Variants in THSD4 observed in about 807,000 individuals in gnomAD.
THSD4 encodes thrombospondin type-1 domain-containing protein 4.
THSD4 carries 69 observed loss-of-function variants against 119.0 expected under a neutral mutation model. That is an observed-to-expected ratio of 0.58 (90% CI 0.48 to 0.71). The LOEUF (loss-of-function observed/expected upper bound fraction) is 0.71. Among genes scored for constraint, THSD4 ranks in the 30% least tolerant of loss-of-function variants. THSD4 has a pLI of 0.00. For missense variants in THSD4, 1,393 were observed against 1,391.1 expected (o/e 1.00, Z -0.02); for synonymous variants, 524 against 540.4 (o/e 0.97, Z 0.42).
intron 3 of THSD4, among the ~76,000 whole-genome samples, chr15:71,181,795 A>C (rs1405894740): frequency 6.6e-6 from 1 of 152,188 alleles, no homozygotes; most frequent in African/African-American, 2.4e-5. Context: ...AAGAAGCCAT[A>C]ATCATTCCTC....
At chr15:71,722,549 C>T (rs2052742222) in intron 8 of THSD4, among the ~76,000 whole-genome samples, 1 of 152,106 alleles carries the variant, frequency 6.6e-6, no homozygotes, top group African/African-American at 2.4e-5. Flanking sequence ...GTGGCCAGAA[C>T]CTACCTCAAT....
chr15:71,716,360 G>A (rs1013866986), intron 8 of THSD4, among the ~76,000 whole-genome samples: 2 of 152,122 alleles, frequency 1.3e-5, no homozygotes, highest in African/African-American at 2.4e-5. Flanking sequence ...AGGTGGATAT[G>A]AATTTTGGGA....
intron 16 of THSD4, among the ~76,000 whole-genome samples, chr15:71,769,917 AAAAAT>A (rs1455325492): frequency 5.9e-5 from 4 of 67,642 alleles, no homozygotes; most frequent in African/African-American, 3.1e-4. Context: ...TATCAATAAA[AAAAAT>A]AAATTTAAAA....
chr15:71,631,824 G>A (rs1292492139), intron 7 of THSD4, among the ~76,000 whole-genome samples: 1 of 152,130 alleles, frequency 6.6e-6, no homozygotes, highest in African/African-American at 2.4e-5. Context: ...AAAACAATGG[G>A]TGCTGTAGTG....
intron 2 of THSD4, 62 bp downstream of exon 2, chr15:71,141,618 C>G (rs540226336): frequency 1.3e-6 from 2 of 1,520,492 alleles, no homozygotes; most frequent in Non-Finnish European, 1.8e-6. Context: ...TTGCATTTTA[C>G]TCTGTCATTT....
chr15:71,258,328 A>G (rs1484310670), intron 6 of THSD4, among the ~76,000 whole-genome samples: 2 of 152,012 alleles, frequency 1.3e-5, no homozygotes, highest in African/African-American at 2.4e-5. Flanking sequence ...ACAGGTGTGC[A>G]ACACTACGCC....
At chr15:71,567,729 G>A (rs904171850) in intron 7 of THSD4, among the ~76,000 whole-genome samples, 1 of 152,080 alleles carries the variant, frequency 6.6e-6, no homozygotes, top group Non-Finnish European at 1.5e-5. Flanking sequence ...GCCATCAGCG[G>A]TCAAAACCAG....
chr15:71,735,451 ACTCT>A (rs751483915), intron 10 of THSD4, among the ~76,000 whole-genome samples: 9 of 118,814 alleles, frequency 7.6e-5, no homozygotes, highest in African/African-American at 2.5e-4. Flanking sequence ...TCTCTTTCTC[ACTCT>A]CTCTCTCTCT....
At chr15:71,245,987 C>T (rs2044196404) in intron 5 of THSD4, among the ~76,000 whole-genome samples, 1 of 152,102 alleles carries the variant, frequency 6.6e-6, no homozygotes, top group Admixed American at 6.5e-5. Flanking sequence ...CTCATGTAGA[C>T]ATTTATCTGT....
chr15:71,735,741 CCTGTCTCTCTTGCTCT>C (rs1429109066), intron 10 of THSD4, among the ~76,000 whole-genome samples: 2 of 115,436 alleles, frequency 1.7e-5, no homozygotes, highest in Admixed American at 8.8e-5. Context: ...TGTCACTGTC[CCTGTCTCTCTTGCTCT>C]CTGTCTGTCT....
At chr15:71,763,731 C>T (rs2053665217) in intron 15 of THSD4, among the ~76,000 whole-genome samples, 1 of 151,716 alleles carries the variant, frequency 6.6e-6, no homozygotes, top group Non-Finnish European at 1.5e-5. Context: ...AGGAGTGAGC[C>T]ACCGCGCCTG....
chr15:71,224,216 G>C (rs532125072), intron 4 of THSD4, among the ~76,000 whole-genome samples: 2 of 152,316 alleles, frequency 1.3e-5, no homozygotes, highest in African/African-American at 4.8e-5. Flanking sequence ...GGTTTGGTGA[G>C]GCTGGAGCAC....
intron 7 of THSD4, among the ~76,000 whole-genome samples, chr15:71,603,854 A>C (rs1397618096): frequency 6.6e-6 from 1 of 152,192 alleles, no homozygotes; most frequent in Non-Finnish European, 1.5e-5. Flanking sequence ...GGCTGAAGAG[A>C]GAGTGGTCAG....
chr15:71,193,772 A>G lies in THSD4; in HGVS notation c.100-21263A>G, dbSNP rs1186776600. ...GCCCAGGCAGGAGTGCAGTGGCGTG[A>G]TCTCGGCTCTCTGCAAGCTCCGCCT... On this transcript the variant is annotated intron_variant, in intron 3 of 17. Coordinates refer to ENST00000261862, the MANE Select transcript of THSD4 (RefSeq NM_024817.3). Among the ~76,000 whole-genome samples, 4 of 151,994 alleles carry G rather than the reference A, an allele frequency of 2.6e-5. No homozygotes were observed. The South Asian group carries it at 6.2e-4, about 24-fold the overall frequency.
intron 13 of THSD4, among the ~76,000 whole-genome samples, chr15:71,747,727 A>G (rs1041010349): frequency 2.6e-5 from 4 of 152,260 alleles, no homozygotes; most frequent in Admixed American, 1.3e-4. Context: ...GCAAAACTTT[A>G]TGACTCAGAA....
At chr15:71,379,447 C>A (rs976530295) in intron 6 of THSD4, among the ~76,000 whole-genome samples, 4 of 112,882 alleles carry the variant, frequency 3.5e-5, no homozygotes, top group African/African-American at 9.5e-5. Context: ...AAGCAAATGG[C>A]TTCTTTTTTT....
chr15:71,618,019 CA>C (rs1242663331), intron 7 of THSD4, among the ~76,000 whole-genome samples: 3 of 152,162 alleles, frequency 2.0e-5, no homozygotes, highest in African/African-American at 7.2e-5. Flanking sequence ...CTCTGAACAA[CA>C]AGGGTCCGTA....
At chr15:71,099,730 C>T (rs1182115771) in intron 1 of THSD4, among the ~76,000 whole-genome samples, 1 of 151,896 alleles carries the variant, frequency 6.6e-6, no homozygotes, top group Non-Finnish European at 1.5e-5. Flanking sequence ...TTTGGGAGGC[C>T]AAGGGGGGCA....
intron 1 of THSD4, among the ~76,000 whole-genome samples, chr15:71,097,708 G>A (rs1363752089): frequency 1.4e-5 from 2 of 138,196 alleles, no homozygotes; most frequent in Non-Finnish European, 3.1e-5. Flanking sequence ...ACAGAAAGAT[G>A]TATATATATA....
Sources: gnomAD v4.1 joint callset for allele counts (sites outside exome capture counted in the v4.1 genomes callset) on GRCh38, gnomAD v4.1.1 for gene constraint, MANE v1.5 for transcripts, NCBI Gene and HGNC (gene_info 2026-07-23, HGNC 2026-07-21) for gene names.